MAP2K1: variants seen among roughly 807,000 people sequenced by gnomAD.
MAP2K1 encodes the protein dual specificity mitogen-activated protein kinase kinase 1.
In MAP2K1, 16 loss-of-function variants were observed where a neutral mutation model predicts 46.3. The ratio of observed to expected loss-of-function variants is 0.35; its 90% CI spans 0.23 to 0.52. The LOEUF (loss-of-function observed/expected upper bound fraction) is 0.52. Ranked by LOEUF, MAP2K1 falls within the 20% of genes least tolerant of loss-of-function variation. The pLI, the probability that MAP2K1 is intolerant of heterozygous loss-of-function variation, is 0.94. For synonymous variants in MAP2K1, 183 were observed against 185.6 expected, an observed-to-expected ratio of 0.99 and a Z score of 0.11; for missense variants, 263 against 497.1, an observed-to-expected ratio of 0.53 and a Z score of 4.48.
intron 1 of MAP2K1, among the ~76,000 whole-genome samples, chr15:66,405,032 G>A (rs1160603136): frequency 6.6e-6 from 1 of 152,324 alleles, no homozygotes; most frequent in Non-Finnish European, 1.5e-5. Flanking sequence ...TGGAAAAATA[G>A]CTACCATTTA....
At chr15:66,407,122 G>A (rs1199773358) in intron 1 of MAP2K1, among the ~76,000 whole-genome samples, 2 of 152,140 alleles carry the variant, frequency 1.3e-5, no homozygotes, top group African/African-American at 2.4e-5. Flanking sequence ...AGAGGGCTCC[G>A]TGTATTGTTT....
intron 1 of MAP2K1, among the ~76,000 whole-genome samples, chr15:66,425,263 G>GC (rs2093454970): frequency 6.6e-6 from 1 of 152,170 alleles, no homozygotes; most frequent in Non-Finnish European, 1.5e-5. Context: ...GTAGACTTTT[G>GC]CTTTCTGTTG....
chr15:66,436,421 C>T (rs2093488232), intron 2 of MAP2K1, among the ~76,000 whole-genome samples: 1 of 152,192 alleles, frequency 6.6e-6, no homozygotes, highest in African/African-American at 2.4e-5. Flanking sequence ...TCTACTTTCA[C>T]AACTCTTGAG....
intron 1 of MAP2K1, among the ~76,000 whole-genome samples, chr15:66,399,198 A>G (rs1395243771): frequency 6.6e-6 from 1 of 152,270 alleles, no homozygotes; most frequent in East Asian, 1.9e-4. Flanking sequence ...AACAGTGGAT[A>G]AAGCAAATGG....
At position 66,440,269 on chromosome 15, in the gene MAP2K1, T is replaced by C. The variant is rs2093500157; in HGVS notation, c.439-3011T>C. Among the ~76,000 whole-genome samples, 3 of 152,110 alleles carry C rather than the reference T, an allele frequency of 2.0e-5. No homozygotes were observed. In the South Asian group the frequency reaches 6.2e-4, roughly 32 times the overall value. On this transcript the variant is annotated intron_variant, in intron 3 of 10. Coordinates refer to ENST00000307102, the MANE Select transcript of MAP2K1 (RefSeq NM_002755.4). ...ACTATGCCTGGCTCATTTTTGTGTT[T>C]TTAGAAGAAATGGGGTTTCACTATG... is the stretch of plus-strand genomic sequence containing the variant.
intron 1 of MAP2K1, among the ~76,000 whole-genome samples, chr15:66,412,752 G>T (rs989598443): frequency 2.0e-5 from 3 of 152,134 alleles, no homozygotes; most frequent in African/African-American, 7.2e-5. Flanking sequence ...CTATTCACAG[G>T]TGCAGTCATA....
intron 2 of MAP2K1, among the ~76,000 whole-genome samples, chr15:66,435,606 G>T (rs1485133617): frequency 6.6e-6 from 1 of 152,134 alleles, no homozygotes; most frequent in Non-Finnish European, 1.5e-5. Context: ...GGGATTACAG[G>T]TGTGAGCCAC....
At chr15:66,477,386 A>G (rs1892777440) in intron 5 of MAP2K1, among the ~76,000 whole-genome samples, 1 of 152,158 alleles carries the variant, frequency 6.6e-6, no homozygotes, top group Admixed American at 6.5e-5. Context: ...GTGGGGAAGG[A>G]GAGGTGTCTG....
chr15:66,420,553 AAAAAT>A (rs201783861), intron 1 of MAP2K1, among the ~76,000 whole-genome samples: 8,512 of 151,710 alleles, frequency 0.056, 351 homozygotes, highest in Middle Eastern at 0.11. Context: ...ACCCTGTCTC[AAAAAT>A]AAAATAAAAT....
At chr15:66,437,043 G>A (rs2093490083) in intron 3 of MAP2K1, 151 bp downstream of exon 3, 3 of 847,348 alleles carry the variant, frequency 3.5e-6, no homozygotes, top group Non-Finnish European at 3.9e-6. Flanking sequence ...TAACTGTAGA[G>A]CTTGGGATAT....
At chr15:66,420,881 A>ATGTGTGTATATG (rs200428451) in intron 1 of MAP2K1, among the ~76,000 whole-genome samples, 23 of 122,186 alleles carry the variant, frequency 1.9e-4, no homozygotes, top group African/African-American at 6.2e-4. Context: ...GTGTATATAT[A>ATGTGTGTATATG]TGTGTATATA....
Position 66,489,115 on chromosome 15 carries a change from A to T in MAP2K1, c.961-100A>T, listed in dbSNP as rs536787047. The T allele has an allele frequency of 5.3e-6, 5 of 936,482 alleles. No homozygotes were observed. The South Asian group carries it at 6.5e-5, about 12-fold the overall frequency. The allele number at this position is 936,482 out of a possible 1,614,324, so 58.0% of individuals were successfully genotyped here. On this transcript the variant is annotated intron_variant, in intron 8 of 10. Transcript: ENST00000307102. ...GCCTTTGGACTGCAGAGAAGACTTTAAAAAAAAGTAGCACTGGCTGGTGGG... is the reference window on the plus strand; with the variant it reads ...GCCTTTGGACTGCAGAGAAGACTTTTAAAAAAAGTAGCACTGGCTGGTGGG...
intron 1 of MAP2K1, 97 bp from the exon 2 acceptor site, chr15:66,434,929 TG>T: frequency 1.2e-6 from 1 of 866,666 alleles, no homozygotes; most frequent in Non-Finnish European, 2.0e-6. Flanking sequence ...ATTATCTGTC[TG>T]GCCCCAGACC....
At position 66,490,789 on chromosome 15, in the gene MAP2K1, ATTC is replaced by A. The variant is rs1404179557; in HGVS notation, c.*177_*179del. ...TGTCATTTTTAATATTACTGTCTTTATTCTTATTACTATTATTGTTCCCCTAAG... is the reference window on the plus strand; with the variant it reads ...TGTCATTTTTAATATTACTGTCTTTATTATTACTATTATTGTTCCCCTAAG... On this transcript the variant is annotated 3_prime_UTR_variant, in exon 11 of 11. Coordinates refer to ENST00000307102, the MANE Select transcript of MAP2K1 (RefSeq NM_002755.4). 2 of 692,706 alleles carry A rather than the reference ATTC, an allele frequency of 2.9e-6. No homozygotes were observed. The highest frequency in any genetic ancestry group is 1.8e-5 in the African/African-American group (1 of 56,886). 42.9% of individuals were successfully genotyped at this position (692,706 alleles called of 1,614,324 possible).
intron 1 of MAP2K1, among the ~76,000 whole-genome samples, chr15:66,408,798 A>G (rs756575751): frequency 6.6e-6 from 1 of 152,010 alleles, no homozygotes; most frequent in Non-Finnish European, 1.5e-5. Flanking sequence ...TCTTACGTCA[A>G]AGCTCAACTT....
At chr15:66,478,223 C>G (rs1273579370) in intron 5 of MAP2K1, among the ~76,000 whole-genome samples, 1 of 149,094 alleles carries the variant, frequency 6.7e-6, no homozygotes, top group Non-Finnish European at 1.5e-5. Context: ...CTCTCTCTGT[C>G]CTCACAGGGT....
chr15:66,477,762 G>A (rs910119830), intron 5 of MAP2K1, among the ~76,000 whole-genome samples: 1 of 152,214 alleles, frequency 6.6e-6, no homozygotes, highest in Non-Finnish European at 1.5e-5. Flanking sequence ...TGGCATGGAT[G>A]AGAGGCAATG....
chr15:66,458,511 T>C (rs1014601788), intron 5 of MAP2K1, among the ~76,000 whole-genome samples: 1 of 152,160 alleles, frequency 6.6e-6, no homozygotes, highest in African/African-American at 2.4e-5. Flanking sequence ...GACATGTATG[T>C]GTGTATGTAT....
intron 1 of MAP2K1, among the ~76,000 whole-genome samples, chr15:66,397,750 A>G (rs1436541452): frequency 6.6e-6 from 1 of 152,232 alleles, no homozygotes; most frequent in Non-Finnish European, 1.5e-5. Flanking sequence ...ACCAAGAGGA[A>G]ACAATCAGAC....
Sources: allele counts gnomAD v4.1 joint callset (sites outside exome capture counted in the v4.1 genomes callset), GRCh38; gene constraint gnomAD v4.1.1; transcripts MANE v1.5; gene names NCBI Gene and HGNC (gene_info 2026-07-23, HGNC 2026-07-21).